Variants in RBFOX2 observed in about 807,000 individuals in gnomAD.
The protein encoded by RBFOX2 is RNA binding fox-1 homolog 2.
RBFOX2 carries 10 observed loss-of-function variants against 49.1 expected under a neutral mutation model. The observed-to-expected ratio is 0.20, with a 90% confidence interval of 0.13 to 0.35. RBFOX2 has a LOEUF of 0.35. Ranked by LOEUF, RBFOX2 falls within the 10% of genes least tolerant of loss-of-function variation. The probability of loss-of-function intolerance (pLI) is 1.00; values close to 1 mark genes in which losing one functional copy is unlikely to be tolerated. For synonymous variants in RBFOX2, 183 were observed against 187.4 expected, an observed-to-expected ratio of 0.98 and a Z score of 0.19; for missense variants, 323 against 486.9, an observed-to-expected ratio of 0.66 and a Z score of 3.17.
chr22:35,803,512 CA>C (rs1165777185), intron 2 of RBFOX2, among the ~76,000 whole-genome samples: 3 of 151,918 alleles, frequency 2.0e-5, no homozygotes, highest in East Asian at 3.9e-4. Context: ...CCTGCCTCTA[CA>C]AAAAAATACA....
At chr22:35,803,039 G>A (rs1463812689) in intron 2 of RBFOX2, among the ~76,000 whole-genome samples, 2 of 151,908 alleles carry the variant, frequency 1.3e-5, no homozygotes, top group African/African-American at 2.4e-5. Flanking sequence ...CTCCTAGCCA[G>A]GCTAAAAACA....
intron 1 of RBFOX2, among the ~76,000 whole-genome samples, chr22:35,833,577 C>T (rs1957159375): frequency 6.6e-6 from 1 of 152,170 alleles, no homozygotes; most frequent in African/African-American, 2.4e-5. Flanking sequence ...ATGGGAAAAA[C>T]CTCACCTATC....
At chr22:35,959,789 C>T (rs1478499616) in intron 1 of RBFOX2, among the ~76,000 whole-genome samples, 1 of 152,192 alleles carries the variant, frequency 6.6e-6, no homozygotes, top group South Asian at 2.1e-4. Context: ...GACTTCAATA[C>T]AGTCATCCCT....
intron 1 of RBFOX2, among the ~76,000 whole-genome samples, chr22:35,830,671 T>C (rs1414372253): frequency 6.6e-6 from 1 of 152,192 alleles, no homozygotes; most frequent in African/African-American, 2.4e-5. Context: ...TATTTGTGTG[T>C]CTAAATATAG....
rs373240953 is a variant in RBFOX2, at chr22:35,947,892, T to C, written c.43-8995A>G. Reference sequence around the variant, plus strand: ...ATTTGTTGTTAAAGAAAAATAATTTTGTAAAAATTTAGCGTAGCCTAAGTG... The same window carrying C: ...ATTTGTTGTTAAAGAAAAATAATTTCGTAAAAATTTAGCGTAGCCTAAGTG... On this transcript the variant is annotated intron_variant, in intron 1 of 5. Coordinates refer to the RBFOX2 transcript ENST00000408983. Among the ~76,000 whole-genome samples the C allele has an allele frequency of 8.5e-5, 13 of 152,204 alleles. No individual in the cohort carries two copies. The East Asian group carries it at 2.1e-3, about 25-fold the overall frequency.
intron 1 of RBFOX2, among the ~76,000 whole-genome samples, chr22:35,854,825 G>A (rs1352077646): frequency 1.3e-5 from 2 of 151,538 alleles, no homozygotes; most frequent in East Asian, 3.9e-4. Context: ...ATAATTTGAA[G>A]ACTAATAACT....
At chr22:35,824,152 C>T (rs147525058) in intron 1 of RBFOX2, among the ~76,000 whole-genome samples, 40 of 150,916 alleles carry the variant, frequency 2.7e-4, no homozygotes, top group African/African-American at 7.8e-4. Context: ...GACGAGACTC[C>T]ATCTCAAAAA....
chr22:35,828,177 A>G (rs927706469), intron 1 of RBFOX2, among the ~76,000 whole-genome samples: 2 of 151,934 alleles, frequency 1.3e-5, no homozygotes, highest in Admixed American at 6.6e-5. Context: ...AAAAAAAAAA[A>G]AGAAACAGAT....
intron 1 of RBFOX2, among the ~76,000 whole-genome samples, chr22:36,012,610 A>G (rs2058864609): frequency 6.6e-6 from 1 of 152,066 alleles, no homozygotes; most frequent in Non-Finnish European, 1.5e-5. Flanking sequence ...TAATAATAAC[A>G]TAAATGTAAT....
At chr22:35,891,218 C>T (rs1569462605) in intron 1 of RBFOX2, among the ~76,000 whole-genome samples, 1 of 152,034 alleles carries the variant, frequency 6.6e-6, no homozygotes, top group Non-Finnish European at 1.5e-5. Context: ...ACTGCAACCT[C>T]CACCTCCCGG....
chr22:35,899,566 C>CAAAAAAAA (rs398061920), intron 1 of RBFOX2, among the ~76,000 whole-genome samples: 5 of 90,074 alleles, frequency 5.6e-5, no homozygotes, highest in Non-Finnish European at 1.1e-4. Context: ...TAAAACAAAA[C>CAAAAAAAA]AAAAAAAAAA....
intron 1 of RBFOX2, among the ~76,000 whole-genome samples, chr22:35,977,817 A>C (rs1179639050): frequency 6.8e-6 from 1 of 147,214 alleles, no homozygotes; most frequent in Non-Finnish European, 1.5e-5. Flanking sequence ...CCCTCAAAAA[A>C]AAAAAAAGCC....
At chr22:35,972,975 G>A (rs565274764) in intron 1 of RBFOX2, among the ~76,000 whole-genome samples, 1 of 152,244 alleles carries the variant, frequency 6.6e-6, no homozygotes, top group South Asian at 2.1e-4. Context: ...TGTCCTTTGT[G>A]CTCAGTTTTA....
intron 4 of RBFOX2, among the ~76,000 whole-genome samples, chr22:35,770,869 A>G (rs1218167647): frequency 6.6e-6 from 1 of 152,182 alleles, no homozygotes; most frequent in African/African-American, 2.4e-5. Flanking sequence ...AAATGTTTTA[A>G]AAGTGTTTTA....
At chr22:35,941,207 T>C (rs1171618786), upstream of RBFOX2, among the ~76,000 whole-genome samples, 2 of 152,280 alleles carry the variant, frequency 1.3e-5, no homozygotes, top group East Asian at 3.9e-4. Context: ...AACAAGGCTC[T>C]TTCCGAAATG....
At chr22:35,826,342 CA>C (rs1160241662) in intron 1 of RBFOX2, among the ~76,000 whole-genome samples, 4,860 of 62,128 alleles carry the variant, frequency 0.078, 91 homozygotes, top group African/African-American at 0.21. Flanking sequence ...AACTCCATCT[CA>C]AAAAAAAAAA....
chr22:35,970,628 T>C (rs889508882), intron 1 of RBFOX2, among the ~76,000 whole-genome samples: 1 of 151,934 alleles, frequency 6.6e-6, no homozygotes, highest in Non-Finnish European at 1.5e-5. Flanking sequence ...ACCACTGTAC[T>C]CCAGCCTGGG....
At chr22:35,891,949 C>G (rs943717995) in intron 1 of RBFOX2, among the ~76,000 whole-genome samples, 1 of 151,798 alleles carries the variant, frequency 6.6e-6, no homozygotes, top group African/African-American at 2.4e-5. Context: ...AACATACAAA[C>G]TAAGAGGAAA....
chr22:35,858,487 T>C (rs1194259907), intron 1 of RBFOX2, among the ~76,000 whole-genome samples: 1 of 152,194 alleles, frequency 6.6e-6, no homozygotes, highest in Non-Finnish European at 1.5e-5. Context: ...AGATGAATTC[T>C]CTAAGGATAG....
Sources: gnomAD v4.1 joint callset for allele counts (sites outside exome capture counted in the v4.1 genomes callset) on GRCh38, gnomAD v4.1.1 for gene constraint, MANE v1.5 for transcripts, NCBI Gene and HGNC (gene_info 2026-07-23, HGNC 2026-07-21) for gene names.